The following ATG3 variants were observed in gnomAD, a reference collection of about 807,000 sequenced individuals.
ATG3 encodes autophagy related 3, also known as ubiquitin-like-conjugating enzyme ATG3.
In ATG3, 25 loss-of-function variants were observed where a neutral mutation model predicts 50.7. The observed-to-expected ratio is 0.49, with a 90% CI of 0.36 to 0.69. The LOEUF (loss-of-function observed/expected upper bound fraction) is 0.69, where lower values mean the gene tolerates loss of function less well. ATG3 is among the 30% of genes least tolerant of loss of function. ATG3 has a pLI of 0.00. For synonymous variants in ATG3, 119 were observed against 125.5 expected, an observed-to-expected ratio of 0.95 and a Z score of 0.34; for missense variants, 281 against 376.0, an observed-to-expected ratio of 0.75 and a Z score of 2.09.
intron 10 of ATG3, 35 bp downstream of exon 10, chr3:112,536,440 C>T (rs371286834): frequency 1.2e-6 from 2 of 1,601,346 alleles, no homozygotes; most frequent in Non-Finnish European, 1.7e-6. Context: ...TATACAATCA[C>T]ATCAAAAAAT....
chr3:112,556,286 G>A (rs1933676085), intron 2 of ATG3, among the ~76,000 whole-genome samples: 1 of 152,212 alleles, frequency 6.6e-6, no homozygotes, highest in South Asian at 2.1e-4. Context: ...GGGAGGTGAG[G>A]GGCGCCTCTG....
At chr3:112,553,200 A>G (rs1933576065) in intron 3 of ATG3, 80 bp downstream of exon 3, 10 of 1,205,622 alleles carry the variant, frequency 8.3e-6, no homozygotes, top group Non-Finnish European at 1.2e-5. Context: ...ATTTTCATCC[A>G]TTAACCTATT....
intron 3 of ATG3, among the ~76,000 whole-genome samples, chr3:112,550,529 A>G (rs1175065194): frequency 6.6e-6 from 1 of 152,248 alleles, no homozygotes; most frequent in African/African-American, 2.4e-5. Context: ...GTAGAATAAT[A>G]TAGAACTATT....
At chr3:112,538,751 T>G (rs1348402556) in intron 7 of ATG3, among the ~76,000 whole-genome samples, 3 of 152,200 alleles carry the variant, frequency 2.0e-5, no homozygotes, top group Non-Finnish European at 2.9e-5. Flanking sequence ...CACTTATTTC[T>G]GTAACGATTT....
chr3:112,557,291 T>G (rs1252741982), intron 2 of ATG3, among the ~76,000 whole-genome samples: 1 of 152,136 alleles, frequency 6.6e-6, no homozygotes, highest in Non-Finnish European at 1.5e-5. Context: ...CCTCCTAAAG[T>G]GTTGGGATTA....
At chr3:112,550,936 AAGATTAAAC>A (rs1933509349) in intron 3 of ATG3, among the ~76,000 whole-genome samples, 3 of 152,360 alleles carry the variant, frequency 2.0e-5, no homozygotes, top group South Asian at 4.1e-4. Flanking sequence ...AAGTAAACTA[AAGATTAAAC>A]AGATCAAGTT....
At chr3:112,561,338 GAGCCCTACTGC>G in intron 1 of ATG3, 108 bp downstream of exon 1, 1 of 1,020,896 alleles carries the variant, frequency 9.8e-7, no homozygotes. Flanking sequence ...CCTGTGTCTC[GAGCCCTACTGC>G]CTTCCTACAC....
chr3:112,552,251 T>A (rs947564178), intron 3 of ATG3, among the ~76,000 whole-genome samples: 7 of 152,130 alleles, frequency 4.6e-5, no homozygotes, highest in Admixed American at 6.5e-5. Flanking sequence ...GTTCTGCCAA[T>A]ATTGGGATCA....
chr3:112,550,683 G>C (rs1253759157), intron 3 of ATG3, among the ~76,000 whole-genome samples: 1 of 152,118 alleles, frequency 6.6e-6, no homozygotes, highest in Non-Finnish European at 1.5e-5. Context: ...AAAAAAAGCT[G>C]CATGACATTA....
rs75453636 is a variant in ATG3, at chr3:112,555,397, G to C, written c.115-2068C>G. ...TGTTCTCTTATTATCTTTATTATCAGTATATAATACTGACCAACTCCAACA... is the reference window on the plus strand; with the variant it reads ...TGTTCTCTTATTATCTTTATTATCACTATATAATACTGACCAACTCCAACA... On this transcript the variant is annotated intron_variant, in intron 2 of 11. Transcript: ENST00000283290. Among the ~76,000 whole-genome samples the C allele has an allele frequency of 6.4e-3, 967 of 152,236 alleles. 6 individuals are homozygous for C. The highest frequency in any genetic ancestry group is 0.011 in the Non-Finnish European group (735 of 68,020).
chr3:112,544,158 T>C (rs1331450230), intron 5 of ATG3, 52 bp from the exon 6 acceptor site: 13 of 1,390,830 alleles, frequency 9.3e-6, no homozygotes, highest in Admixed American at 9.3e-5. Flanking sequence ...GTAAACACCC[T>C]ATTTACTTAT....
chr3:112,532,837 C>A lies in ATG3; in HGVS notation c.864-57G>T, dbSNP rs1468637157. On this transcript the variant is annotated intron_variant, in intron 11 of 11. Coordinates refer to ENST00000283290, the MANE Select transcript of ATG3 (RefSeq NM_022488.5). ...TGTAAATAGTTCTATGTTTTAAGCCCATGTTGTAATTATCCATTTTATTAA... is the reference window on the plus strand; with the variant it reads ...TGTAAATAGTTCTATGTTTTAAGCCAATGTTGTAATTATCCATTTTATTAA... 4 of 1,480,872 alleles carry A rather than the reference C, an allele frequency of 2.7e-6. No individual in the cohort carries two copies. The Admixed American group carries it at 9.6e-5, about 35-fold the overall frequency. The allele number at this position is 1,480,872 out of a possible 1,614,324, so 91.7% of individuals were successfully genotyped here.
intron 5 of ATG3, among the ~76,000 whole-genome samples, chr3:112,544,766 T>C (rs1933329046): frequency 6.6e-6 from 1 of 152,008 alleles, no homozygotes; most frequent in Non-Finnish European, 1.5e-5. Flanking sequence ...GTTATCTTAA[T>C]ATAGGCTGAT....
Position 112,532,750 on chromosome 3 carries a change from T to C in ATG3, c.894A>G (p.Gln298=). 1 of 1,599,176 alleles carries C rather than the reference T, an allele frequency of 6.3e-7. No individual in the cohort carries two copies. Among genetic ancestry groups the C allele is most frequent in the Non-Finnish European group, 8.5e-7 (1 of 1,173,112 alleles). Residue 298 remains glutamine, a synonymous_variant, in exon 12 of 12, where the codon CAA becomes CAG. Coordinates refer to ENST00000283290, the MANE Select transcript of ATG3 (RefSeq NM_022488.5). ...CATATTCTATTGTTGGAATGACAGC[T>C]TGTACAAATTTCAAGAAAATAAGAA... is the stretch of plus-strand genomic sequence containing the variant. The part of the protein sequence containing the change: ...MYLLIFLKFV[Q]AVIPTIEYDY...
chr3:112,536,702 A>T (rs1559842299), intron 9 of ATG3, 100 bp from the exon 10 acceptor site: 1 of 1,296,814 alleles, frequency 7.7e-7, no homozygotes. Flanking sequence ...TGGGCGGATC[A>T]CATGGTCAGG....
intron 11 of ATG3, chr3:112,533,544 T>C (rs2107364569): frequency 1.0e-6 from 1 of 985,292 alleles, no homozygotes; most frequent in South Asian, 4.7e-5. Context: ...AGACGTGGCA[T>C]CTTAGTCTCC....
intron 11 of ATG3, chr3:112,533,514 C>T (rs887064932): frequency 4.1e-6 from 4 of 985,154 alleles, no homozygotes; most frequent in African/African-American, 3.5e-5. Context: ...ACTTTATTAG[C>T]AATGCCCCAC....
chr3:112,560,298 A>T (rs1465865889), intron 1 of ATG3, among the ~76,000 whole-genome samples: 1 of 152,252 alleles, frequency 6.6e-6, no homozygotes, highest in Non-Finnish European at 1.5e-5. Context: ...TTCCAATCTT[A>T]GTTTGACTGA....
At position 112,548,655 on chromosome 3, in the gene ATG3, G is replaced by A; in HGVS notation, c.236-15C>T. 2 of 1,598,412 alleles carry A rather than the reference G, an allele frequency of 1.3e-6. No individual in the cohort carries two copies. Among genetic ancestry groups the A allele is most frequent in the Non-Finnish European group, 1.7e-6 (2 of 1,165,878 alleles). ...ATAGCACGGCACTATAAAAAAAATG[G>A]TAAATACAGTTAACTAGCACGTAAT... On this transcript the variant is annotated splice_polypyrimidine_tract_variant and intron_variant, in intron 4 of 11. Coordinates refer to ENST00000283290, the MANE Select transcript of ATG3 (RefSeq NM_022488.5).
Sources: allele counts gnomAD v4.1 joint callset (sites outside exome capture counted in the v4.1 genomes callset), GRCh38; gene constraint gnomAD v4.1.1; transcripts MANE v1.5; gene names NCBI Gene and HGNC (gene_info 2026-07-23, HGNC 2026-07-21).